The following UGT1A8 variants were observed in gnomAD, a reference collection of about 807,000 sequenced individuals.
UGT1A8 encodes the protein UDP-glucuronosyltransferase 1A8.
UGT1A8 carries 39 observed loss-of-function variants against 45.3 expected under a neutral mutation model. That is an observed-to-expected ratio of 0.86 (90% confidence interval 0.67 to 1.12). The LOEUF is 1.12. Ranked by LOEUF, UGT1A8 falls within the 50% of genes most tolerant of loss-of-function variation. The pLI is 0.00. For synonymous variants in UGT1A8, 275 were observed against 249.2 expected (o/e 1.10, Z -0.97); for missense variants, 719 against 664.9 (o/e 1.08, Z -0.90).
At chr2:233,618,624 C>T in intron 1 of UGT1A8, 62 bp downstream of exon 1, 2 of 1,539,066 alleles carry the variant, frequency 1.3e-6, no homozygotes, top group African/African-American at 1.4e-5. Flanking sequence ...AAAAAAGATT[C>T]CTTACTGAAT....
chr2:233,737,268 C>T (rs1008079233), intron 1 of UGT1A8, among the ~76,000 whole-genome samples: 4 of 152,268 alleles, frequency 2.6e-5, no homozygotes, highest in African/African-American at 9.6e-5. Context: ...CAATGGCGGA[C>T]ACCCCTCACC....
chr2:233,738,458 G>A (rs1690791213), intron 1 of UGT1A8, among the ~76,000 whole-genome samples: 1 of 152,228 alleles, frequency 6.6e-6, no homozygotes, highest in South Asian at 2.1e-4. Context: ...GAAGATGTGG[G>A]AAAGTTTGGA....
chr2:233,676,471 A>G (rs550913386), intron 1 of UGT1A8, among the ~76,000 whole-genome samples: 1 of 152,304 alleles, frequency 6.6e-6, no homozygotes, highest in Non-Finnish European at 1.5e-5. Context: ...CTCATTCACC[A>G]ATATTGACGC....
intron 1 of UGT1A8, among the ~76,000 whole-genome samples, chr2:233,728,459 T>G (rs570780705): frequency 6.6e-6 from 1 of 152,268 alleles, no homozygotes; most frequent in South Asian, 2.1e-4. Context: ...CTCAACAAAG[T>G]CTTCCCAAGA....
chr2:233,752,890 C>T lies in UGT1A8; in HGVS notation c.856-14144C>T, dbSNP rs537828663. Among the ~76,000 whole-genome samples, 6 of 152,322 alleles carry T rather than the reference C, an allele frequency of 3.9e-5. No homozygotes were observed. In the East Asian group the frequency reaches 1.2e-3, roughly 29 times the overall value. On this transcript the variant is annotated intron_variant, in intron 1 of 4. Coordinates refer to ENST00000373450, the MANE Select transcript of UGT1A8 (RefSeq NM_019076.5). Reference sequence around the variant, plus strand: ...GCTTTCAACTGTTAAAACTAGCCAGCGTTGTTACAGATCCACCTCTGAGTG... The same window carrying T: ...GCTTTCAACTGTTAAAACTAGCCAGTGTTGTTACAGATCCACCTCTGAGTG...
chr2:233,752,072 T>C (rs1694888603), intron 1 of UGT1A8, among the ~76,000 whole-genome samples: 1 of 152,194 alleles, frequency 6.6e-6, no homozygotes, highest in Non-Finnish European at 1.5e-5. Flanking sequence ...GATGGGGAAG[T>C]CTCTCTACCT....
At chr2:233,627,829 A>G (rs923513577) in intron 1 of UGT1A8, among the ~76,000 whole-genome samples, 5 of 152,022 alleles carry the variant, frequency 3.3e-5, no homozygotes, top group Non-Finnish European at 5.9e-5. Flanking sequence ...TCTTGGGAGT[A>G]ATTCCAGCAT....
At chr2:233,685,612 C>G (rs948658757) in intron 1 of UGT1A8, among the ~76,000 whole-genome samples, 1 of 152,198 alleles carries the variant, frequency 6.6e-6, no homozygotes, top group Non-Finnish European at 1.5e-5. Context: ...TTATTTATTT[C>G]AACTTTTTAT....
At position 233,617,864 on chromosome 2, in the gene UGT1A8, C is replaced by A. The variant is rs45504099; in HGVS notation, c.157C>A (p.His53Asn). ...GGTGGAGAAACTTATCCTCAGGGGGCATGAGGTGGTTGTAGTCATGCCAGA... is the reference window on the plus strand; with the variant it reads ...GGTGGAGAAACTTATCCTCAGGGGGAATGAGGTGGTTGTAGTCATGCCAGA... ...SVVEKLILRG[H>N]EVVVVMPEVS... The change falls in exon 1 of 5, where the codon CAT (histidine) becomes AAT (asparagine). Residue 53 changes from histidine (H) to asparagine (N), a missense_variant. Coordinates refer to ENST00000373450, the MANE Select transcript of UGT1A8 (RefSeq NM_019076.5). 697 of 1,614,072 alleles carry A rather than the reference C, an allele frequency of 4.3e-4. 2 individuals carry two copies. In the African/African-American group the frequency reaches 8.2e-3, roughly 19 times the overall value.
intron 1 of UGT1A8, among the ~76,000 whole-genome samples, chr2:233,728,134 C>T (rs1335852512): frequency 1.3e-5 from 2 of 152,184 alleles, no homozygotes; most frequent in Non-Finnish European, 2.9e-5. Flanking sequence ...GACTAGGGCC[C>T]CCACAAATTG....
At chr2:233,642,804 A>G (rs779571967) in intron 1 of UGT1A8, among the ~76,000 whole-genome samples, 1 of 152,226 alleles carries the variant, frequency 6.6e-6, no homozygotes, top group Non-Finnish European at 1.5e-5. Flanking sequence ...ACAAGATCCA[A>G]GATACTTCTC....
At chr2:233,768,171 T>C (rs761240010) in intron 3 of UGT1A8, 49 bp from the exon 4 acceptor site, 11 of 1,613,794 alleles carry the variant, frequency 6.8e-6, no homozygotes, top group South Asian at 1.1e-5. Flanking sequence ...TGTCCAGCTG[T>C]GAAACTCAGA....
intron 1 of UGT1A8, among the ~76,000 whole-genome samples, chr2:233,657,137 G>A (rs1269082634): frequency 1.3e-5 from 2 of 152,114 alleles, no homozygotes. Context: ...AGACATTCTG[G>A]TGATGCCCTG....
chr2:233,639,997 G>A (rs1005405618), intron 1 of UGT1A8, among the ~76,000 whole-genome samples: 3 of 152,154 alleles, frequency 2.0e-5, no homozygotes, highest in African/African-American at 7.2e-5. Flanking sequence ...AAAGAATTCA[G>A]GCTTCATCTA....
intron 1 of UGT1A8, among the ~76,000 whole-genome samples, chr2:233,687,383 A>G (rs2074837301): frequency 6.6e-6 from 1 of 152,114 alleles, no homozygotes; most frequent in African/African-American, 2.4e-5. Context: ...GAATTTGCAA[A>G]TTAAATATAA....
chr2:233,666,799 CT>C (rs1559331451), intron 1 of UGT1A8, among the ~76,000 whole-genome samples: 2 of 131,902 alleles, frequency 1.5e-5, no homozygotes, highest in African/African-American at 5.5e-5. Context: ...TCCCTCCCCC[CT>C]CCCCCAATCC....
At chr2:233,649,992 C>T (rs2073699035) in intron 1 of UGT1A8, among the ~76,000 whole-genome samples, 1 of 152,138 alleles carries the variant, frequency 6.6e-6, no homozygotes, top group African/African-American at 2.4e-5. Flanking sequence ...TGTTTTGAGA[C>T]AGAGTTTCAC....
At chr2:233,756,125 T>G (rs922243394) in intron 1 of UGT1A8, 6 of 152,194 alleles carry the variant, frequency 3.9e-5, no homozygotes, top group Non-Finnish European at 7.3e-5. Flanking sequence ...TTTGTAAAAT[T>G]CTCCTGAAAA....
At chr2:233,655,969 G>T (rs1199072174) in intron 1 of UGT1A8, among the ~76,000 whole-genome samples, 1 of 152,116 alleles carries the variant, frequency 6.6e-6, no homozygotes, top group African/African-American at 2.4e-5. Context: ...TATATTTCTT[G>T]GAAAAGGTTA....
Sources: allele counts gnomAD v4.1 joint callset (sites outside exome capture counted in the v4.1 genomes callset), GRCh38; gene constraint gnomAD v4.1.1; transcripts MANE v1.5; gene names NCBI Gene and HGNC (gene_info 2026-07-23, HGNC 2026-07-21).